SKAP2: variants seen among roughly 807,000 people sequenced by gnomAD.
The protein encoded by SKAP2 is src kinase associated phosphoprotein 2.
Under a neutral mutation model 54.9 loss-of-function variants are expected in SKAP2, and 28 were observed. The ratio of observed to expected loss-of-function variants is 0.51; its 90% CI spans 0.38 to 0.70. The LOEUF (loss-of-function observed/expected upper bound fraction) is 0.70. Ranked by LOEUF, SKAP2 falls within the 30% of genes least tolerant of loss-of-function variation. The pLI, the probability that SKAP2 is intolerant of heterozygous loss-of-function variation, is 0.00. For synonymous variants in SKAP2, 137 were observed against 134.3 expected, an observed-to-expected ratio of 1.02 and a Z score of -0.14; for missense variants, 356 against 424.1, an observed-to-expected ratio of 0.84 and a Z score of 1.41.
At chr7:26,819,431 G>A (rs1184807051) in intron 4 of SKAP2, among the ~76,000 whole-genome samples, 2 of 152,052 alleles carry the variant, frequency 1.3e-5, no homozygotes, top group Non-Finnish European at 2.9e-5. Flanking sequence ...GTGGGGGCTA[G>A]GGGAGGGATA....
chr7:26,815,666 G>A (rs1392445771), intron 4 of SKAP2, among the ~76,000 whole-genome samples: 4 of 152,066 alleles, frequency 2.6e-5, no homozygotes, highest in Non-Finnish European at 4.4e-5. Flanking sequence ...AGTGGAAGAC[G>A]AGTGGGAGGT....
At position 26,864,372 on chromosome 7, in the gene SKAP2, G is replaced by C. The variant is rs140914133; in HGVS notation, c.58C>G (p.Leu20Val). Reference protein sequence around the residue: ...PYPLPEEIRNLLADVETFVAD... With the variant: ...PYPLPEEIRNVLADVETFVAD... ...CCTTCCCGCTCTTTACCTGCCAACA[G>C]GTTCCTAATTTCCTCAGGGAGGGGG... The change falls in exon 1 of 13, where the codon CTG becomes GTG. Residue 20 changes from leucine (L) to valine (V), a missense_variant. Leu to Val is a conservative substitution (Grantham distance 32). Transcript: ENST00000345317. 729 of 1,613,588 alleles carry C rather than the reference G, an allele frequency of 4.5e-4. No homozygotes were observed. The highest frequency in any genetic ancestry group is 5.7e-4 in the Non-Finnish European group (673 of 1,179,792).
chr7:26,752,538 C>A (rs773995688), intron 4 of SKAP2, among the ~76,000 whole-genome samples: 3 of 152,108 alleles, frequency 2.0e-5, no homozygotes, highest in South Asian at 2.1e-4. Context: ...GGAACAGACA[C>A]CCTGCACAAT....
chr7:26,818,474 A>C (rs980933596), intron 4 of SKAP2, among the ~76,000 whole-genome samples: 7 of 152,198 alleles, frequency 4.6e-5, no homozygotes, highest in Non-Finnish European at 2.9e-5. Context: ...AAAACCATAA[A>C]AACCCTAGAA....
Position 26,757,548 on chromosome 7 carries a change from C to G in SKAP2, c.308-17584G>C, listed in dbSNP as rs895313827. On this transcript the variant is annotated intron_variant, in intron 4 of 12. Transcript: ENST00000345317. Reference sequence around the variant, plus strand: ...TTGGTCTATATCTCTGTTTTTGGTACCAGTACCATGCTGTTTTGGTTACTG... The same window carrying G: ...TTGGTCTATATCTCTGTTTTTGGTAGCAGTACCATGCTGTTTTGGTTACTG... 5.3e-5 allele frequency among the ~76,000 whole-genome samples: 8 copies of G among 152,114 alleles called. No homozygotes were observed. The South Asian group carries it at 6.2e-4, about 12-fold the overall frequency.
At chr7:26,739,035 C>A (rs956812536) in intron 5 of SKAP2, among the ~76,000 whole-genome samples, 157 bp from the exon 6 acceptor site, 1 of 152,166 alleles carries the variant, frequency 6.6e-6, no homozygotes, top group Admixed American at 6.5e-5. Flanking sequence ...CAAACCAACA[C>A]AGCTAAAGGG....
In SKAP2 at chr7:26,725,535, T is replaced by C. The variant is rs1369467943; in HGVS notation, c.689A>G (p.Tyr230Cys). 1.9e-6 allele frequency: 3 copies of C among 1,608,928 alleles called. No individual in the cohort carries two copies. Among genetic ancestry groups the C allele is most frequent in the Non-Finnish European group, 2.5e-6 (3 of 1,177,994 alleles). The change falls in exon 9 of 13, where the codon TAT becomes TGT. Residue 230 changes from tyrosine to cysteine, a missense_variant. Physicochemically the swap from Tyr to Cys is radical, Grantham distance 194 (BLOSUM62 -2). Transcript: ENST00000345317. ...ATCATATAATTCTCCTCTCTCATCA[T>C]AATCCTCAGGAATAATATCAGATTC... ...DMESDIIPEDYDERGELYDDV... is the reference protein window; with the variant it reads ...DMESDIIPEDCDERGELYDDV...
At chr7:26,852,031 G>A (rs1278848585) in intron 3 of SKAP2, among the ~76,000 whole-genome samples, 1 of 152,094 alleles carries the variant, frequency 6.6e-6, no homozygotes, top group African/African-American at 2.4e-5. Flanking sequence ...AAGGTAGAAA[G>A]GAGGAAAAAG....
intron 9 of SKAP2, among the ~76,000 whole-genome samples, chr7:26,712,149 T>A (rs1787324763): frequency 6.6e-6 from 1 of 152,216 alleles, no homozygotes; most frequent in Admixed American, 6.5e-5. Context: ...CGTTTCAAAT[T>A]TCAGATTTTT....
At chr7:26,822,310 T>C (rs1784398532) in intron 4 of SKAP2, among the ~76,000 whole-genome samples, 4 of 152,228 alleles carry the variant, frequency 2.6e-5, no homozygotes, top group Admixed American at 2.6e-4. Context: ...GCTCACTTTG[T>C]ATCTCTGTGT....
At chr7:26,841,961 T>C (rs1433729712) in intron 4 of SKAP2, among the ~76,000 whole-genome samples, 1 of 151,882 alleles carries the variant, frequency 6.6e-6, no homozygotes, top group Non-Finnish European at 1.5e-5. Context: ...TAATATATTA[T>C]TGGACTGAGG....
At chr7:26,741,698 G>T (rs1218213689) in intron 4 of SKAP2, among the ~76,000 whole-genome samples, 1 of 151,834 alleles carries the variant, frequency 6.6e-6, no homozygotes, top group Non-Finnish European at 1.5e-5. Context: ...TTGTATGCCT[G>T]TATCAAAACA....
At chr7:26,783,257 G>C (rs12536560) in intron 4 of SKAP2, among the ~76,000 whole-genome samples, 32,173 of 152,004 alleles carry the variant, frequency 0.21, 3,492 homozygotes, top group Non-Finnish European at 0.24. Context: ...ACCAAGGTCT[G>C]TTGACTTGTG....
chr7:26,661,163 T>A, the SKAP2 span, among the ~76,000 whole-genome samples: 1 of 152,230 alleles, frequency 6.6e-6, no homozygotes, highest in East Asian at 1.9e-4. Flanking sequence ...GCATCTTTTA[T>A]TAGCTTTGCC....
intron 6 of SKAP2, among the ~76,000 whole-genome samples, chr7:26,730,985 A>T (rs1000384328): frequency 2.0e-5 from 3 of 152,184 alleles, no homozygotes; most frequent in Admixed American, 6.5e-5. Flanking sequence ...GAGACATATT[A>T]TATTCCCAGC....
chr7:26,685,505 C>G lies in SKAP2; in HGVS notation c.875-657G>C, dbSNP rs1584329734. ...AACTTTGAAATTGCCAGTGTTGAAGCTGCATTTTTCAACCGATTTTTGTCA... is the reference window on the plus strand; with the variant it reads ...AACTTTGAAATTGCCAGTGTTGAAGGTGCATTTTTCAACCGATTTTTGTCA... On this transcript the variant is annotated intron_variant, in intron 10 of 12. Coordinates refer to ENST00000345317, the MANE Select transcript of SKAP2 (RefSeq NM_003930.5). 3.9e-5 allele frequency among the ~76,000 whole-genome samples: 6 copies of G among 152,240 alleles called. 1 individual carries two copies. The South Asian group carries it at 1.2e-3, about 32-fold the overall frequency.
chr7:26,670,164 C>G lies in SKAP2; in HGVS notation c.1016G>C (p.Gly339Ala), dbSNP rs569488841. 1.9e-6 allele frequency: 3 copies of G among 1,573,352 alleles called. No homozygotes were observed. The highest frequency in any genetic ancestry group is 2.2e-5 in the South Asian group (2 of 90,182). ...CAAGCCAATGGCTCCCTTCATTTCT[C>G]CTACCCACCAGCCATATCTATTGTA... Reference protein sequence around the residue: ...KEYNRYGWWVGEMKGAIGLVP... With the variant: ...KEYNRYGWWVAEMKGAIGLVP... Residue 339 changes from glycine to alanine, a missense_variant, in exon 12 of 13, where the codon GGA (glycine) becomes GCA (alanine). Gly to Ala is a moderately conservative substitution (Grantham distance 60). Transcript: ENST00000345317.
At chr7:26,727,727 A>G (rs1289800691) in intron 6 of SKAP2, among the ~76,000 whole-genome samples, 1 of 152,156 alleles carries the variant, frequency 6.6e-6, no homozygotes, top group African/African-American at 2.4e-5. Flanking sequence ...TTGGTCAGAT[A>G]TTATTTTAAA....
intron 4 of SKAP2, among the ~76,000 whole-genome samples, chr7:26,835,239 C>T (rs1038438516): frequency 1.3e-5 from 2 of 152,128 alleles, no homozygotes; most frequent in Non-Finnish European, 2.9e-5. Context: ...CAGCCAATAT[C>T]ATACTGAATG....
Sources: gnomAD v4.1 joint callset for allele counts (sites outside exome capture counted in the v4.1 genomes callset) on GRCh38, gnomAD v4.1.1 for gene constraint, MANE v1.5 for transcripts, NCBI Gene and HGNC (gene_info 2026-07-23, HGNC 2026-07-21) for gene names.